MED9: variants seen among roughly 807,000 people sequenced by gnomAD.
MED9 encodes mediator of RNA polymerase II transcription subunit 9.
MED9 carries 8 observed loss-of-function variants against 13.2 expected under a neutral mutation model. The ratio of observed to expected loss-of-function variants is 0.61; its 90% CI spans 0.36 to 1.10. MED9 has a LOEUF of 1.10. Among genes scored for constraint, MED9 ranks in the 50% least tolerant of loss-of-function variants. MED9 has a pLI of 0.02. For missense variants in MED9, 180 were observed against 193.4 expected (o/e 0.93, Z 0.41); for synonymous variants, 87 against 82.8 (o/e 1.05, Z -0.28).
At chr17:17,489,815 C>T (rs1905199626) in intron 1 of MED9, among the ~76,000 whole-genome samples, 1 of 152,218 alleles carries the variant, frequency 6.6e-6, no homozygotes, top group South Asian at 2.1e-4. Flanking sequence ...TACCCTCCCT[C>T]TGAGTTTAGA....
At chr17:17,489,221 C>T (rs915426362) in intron 1 of MED9, among the ~76,000 whole-genome samples, 5 of 152,212 alleles carry the variant, frequency 3.3e-5, no homozygotes, top group African/African-American at 7.2e-5. Flanking sequence ...GCCCTCCAGG[C>T]GGCTTGTCTT....
intron 1 of MED9, 49 bp downstream of exon 1, chr17:17,477,314 T>C (rs1323540988): frequency 6.6e-7 from 1 of 1,508,744 alleles, no homozygotes; most frequent in Admixed American, 2.1e-5. Context: ...CAGCTTCTCC[T>C]CTCAGCCGTT....
chr17:17,477,140 T>C lies in MED9; in HGVS notation c.99T>C (p.Pro33=), dbSNP rs570173732. The part of the protein sequence containing the change: ...PLPDTKPLPP[P]QPPPVPAPQP... ...CTGACACCAAGCCGCTGCCGCCTCC[T>C]CAGCCGCCGCCGGTCCCTGCGCCTC... Residue 33 remains proline (P), a synonymous_variant, in exon 1 of 2, where the codon CCT becomes CCC. Coordinates refer to ENST00000268711, the MANE Select transcript of MED9 (RefSeq NM_018019.3). 15 of 1,608,226 alleles carry C rather than the reference T, an allele frequency of 9.3e-6. No homozygotes were observed. The highest frequency in any genetic ancestry group is 8.9e-5 in the East Asian group (4 of 44,804).
At chr17:17,489,159 G>A (rs1431073950) in intron 1 of MED9, among the ~76,000 whole-genome samples, 1 of 152,184 alleles carries the variant, frequency 6.6e-6, no homozygotes, top group Non-Finnish European at 1.5e-5. Flanking sequence ...TAGGGCAGTT[G>A]GGCTTGCAGA....
rs1016439140 is a variant in MED9 at position 17,491,881 on chromosome 17, C to G, written c.*386C>G. On this transcript the variant is annotated 3_prime_UTR_variant, in exon 2 of 2. Coordinates refer to ENST00000268711, the MANE Select transcript of MED9 (RefSeq NM_018019.3). ...GAAGGGAGGCGGCTCCTCTTTGCTTCCTTCCCTCTCTCTCCTCCCACCCCC... is the reference window on the plus strand; with the variant it reads ...GAAGGGAGGCGGCTCCTCTTTGCTTGCTTCCCTCTCTCTCCTCCCACCCCC... 1.7e-5 allele frequency: 5 copies of G among 291,280 alleles called. No individual in the cohort carries two copies. The highest frequency in any genetic ancestry group is 8.2e-5 in the East Asian group (1 of 12,146). 18.0% of individuals were successfully genotyped at this position (291,280 alleles called of 1,614,324 possible).
intron 1 of MED9, chr17:17,485,756 TG>T: frequency 5.9e-6 from 1 of 170,004 alleles, no homozygotes; most frequent in Non-Finnish European, 1.2e-5. Flanking sequence ...GTGGTCCCCG[TG>T]TCGAGGGTTC....
rs1567640634 is a variant in MED9 at position 17,491,269 on chromosome 17, T to G, written c.225-10T>G. The G allele has an allele frequency of 1.2e-6, 2 of 1,609,264 alleles. No homozygotes were observed. The highest frequency in any genetic ancestry group is 3.3e-5 in the Admixed American group (2 of 60,004). ...AGCTGTGAATGCTAACAGCTGTTCTTCCCCCACAGCATGGACAAGGACAGC... is the reference window on the plus strand; with the variant it reads ...AGCTGTGAATGCTAACAGCTGTTCTGCCCCCACAGCATGGACAAGGACAGC... On this transcript the variant is annotated splice_polypyrimidine_tract_variant and intron_variant, in intron 1 of 1. Transcript: ENST00000268711.
chr17:17,491,563 G>C lies in MED9; in HGVS notation c.*68G>C. 4.3e-6 allele frequency: 6 copies of C among 1,399,904 alleles called. No individual in the cohort carries two copies. In the South Asian group the frequency reaches 4.7e-5, roughly 11 times the overall value. The allele number at this position is 1,399,904 out of a possible 1,614,324, so 86.7% of individuals were successfully genotyped here. A position where few individuals can be genotyped will look rare whatever the true frequency, so the allele number is the denominator to read the frequency against. ...TGTCTCCCCACTACCATCCCCAAAC[G>C]CTCCTTGGGGCGTGGTTCCTGTGGA... is the stretch of plus-strand genomic sequence containing the variant. On this transcript the variant is annotated 3_prime_UTR_variant, in exon 2 of 2. Coordinates refer to ENST00000268711, the MANE Select transcript of MED9 (RefSeq NM_018019.3).
intron 1 of MED9, among the ~76,000 whole-genome samples, chr17:17,480,839 T>A (rs1482208498): frequency 6.6e-6 from 1 of 151,812 alleles, no homozygotes; most frequent in Non-Finnish European, 1.5e-5. Context: ...TGTCTTTGAG[T>A]TTATAGGCAA....
rs551678914 is a variant in MED9 at position 17,478,887 on chromosome 17, A to G, written c.224+1622A>G. ...AAAAAAAAAAAGTAATGCTTATAGG[A>G]TAAGGCAGCCTATTCAGTTTTCGTG... On this transcript the variant is annotated intron_variant, in intron 1 of 1. Transcript: ENST00000268711. Among the ~76,000 whole-genome samples, 19 of 152,120 alleles carry G rather than the reference A, an allele frequency of 1.2e-4. No individual in the cohort carries two copies. The East Asian group carries it at 2.9e-3, about 23-fold the overall frequency.
intron 1 of MED9, chr17:17,487,305 A>T (rs1251432202): frequency 6.6e-6 from 1 of 152,344 alleles, no homozygotes; most frequent in Admixed American, 6.5e-5. Context: ...AGCAGTGGCA[A>T]CCCGCTTGGG....
chr17:17,492,942 T>A lies in MED9; in HGVS notation c.*1447T>A, dbSNP rs1434944609. 1 of 152,262 alleles carries A rather than the reference T, an allele frequency of 6.6e-6. No homozygotes were observed. The highest frequency in any genetic ancestry group is 1.5e-5 in the Non-Finnish European group (1 of 68,062). The allele number at this position is 152,262 out of a possible 1,614,324, so 9.4% of individuals were successfully genotyped here. ...CTGGATTTAAGCGGGTGGTCACCTG[T>A]GAGACCAGGTCTACCTTGGGACTGT... On this transcript the variant is annotated 3_prime_UTR_variant, in exon 2 of 2. Transcript: ENST00000268711.
At position 17,491,734 on chromosome 17, in the gene MED9, C is replaced by T; in HGVS notation, c.*239C>T. 2.0e-6 allele frequency: 1 copy of T among 512,674 alleles called. No homozygotes were observed. The highest frequency in any genetic ancestry group is 3.5e-6 in the Non-Finnish European group (1 of 282,416). The allele number at this position is 512,674 out of a possible 1,614,324, so 31.8% of individuals were successfully genotyped here. On this transcript the variant is annotated 3_prime_UTR_variant, in exon 2 of 2. Transcript: ENST00000268711. Reference sequence around the variant, plus strand: ...TCTAGATGCATAATAACTGGAGTGCCTGCTGGTGGAAGTCAGAATGCTCCT... The same window carrying T: ...TCTAGATGCATAATAACTGGAGTGCTTGCTGGTGGAAGTCAGAATGCTCCT...
At chr17:17,484,075 A>G (rs566717228) in intron 1 of MED9, among the ~76,000 whole-genome samples, 1 of 152,290 alleles carries the variant, frequency 6.6e-6, no homozygotes, top group East Asian at 1.9e-4. Context: ...GGAGTAATGA[A>G]ATGGGGTCTG....
At chr17:17,485,379 G>A (rs71364026) in intron 1 of MED9, 5 of 398,262 alleles carry the variant, frequency 1.3e-5, no homozygotes, top group Admixed American at 8.8e-5. Context: ...GCCACCGGCC[G>A]CCATCTGGGA....
At chr17:17,485,299 G>A (rs906188112) in intron 1 of MED9, 1 of 398,306 alleles carries the variant, frequency 2.5e-6, no homozygotes, top group African/African-American at 2.1e-5. Context: ...TGTATTTTTA[G>A]TAGAGACGGG....
Position 17,491,900 on chromosome 17 carries a change from C to T in MED9, c.*405C>T. Reference sequence around the variant, plus strand: ...TTGCTTCCTTCCCTCTCTCTCCTCCCACCCCCATAGGATCAGTGTGTACCA... The same window carrying T: ...TTGCTTCCTTCCCTCTCTCTCCTCCTACCCCCATAGGATCAGTGTGTACCA... On this transcript the variant is annotated 3_prime_UTR_variant, in exon 2 of 2. Transcript: ENST00000268711. 7.0e-6 allele frequency: 2 copies of T among 286,898 alleles called. No individual in the cohort carries two copies. The highest frequency in any genetic ancestry group is 1.4e-5 in the Non-Finnish European group (2 of 146,832). 17.8% of individuals were successfully genotyped at this position (286,898 alleles called of 1,614,324 possible). A position where few individuals can be genotyped will look rare whatever the true frequency, so the allele number is the denominator to read the frequency against.
In MED9 at chr17:17,483,444, A is replaced by G. The variant is rs141009135; in HGVS notation, c.224+6179A>G. ...TGGCAGACCCTCCAGCCCCTCCACT[A>G]GAAGTGCCCACAGAAATGCTGCACA... On this transcript the variant is annotated intron_variant, in intron 1 of 1. Coordinates refer to ENST00000268711, the MANE Select transcript of MED9 (RefSeq NM_018019.3). This position sits in a 1 kb window ranked among gnomAD's most constrained non-coding sequence, Gnocchi z 4.2. Among the ~76,000 whole-genome samples the G allele has an allele frequency of 1.1e-4, 16 of 152,236 alleles. No homozygotes were observed. The highest frequency in any genetic ancestry group is 3.9e-4 in the African/African-American group (16 of 41,532).
At chr17:17,491,240 A>C (rs1905221073) in intron 1 of MED9, 39 bp from the exon 2 acceptor site, 1 of 1,569,504 alleles carries the variant, frequency 6.4e-7, no homozygotes, top group Non-Finnish European at 8.8e-7. Flanking sequence ...CAAGACGTGT[A>C]TCAAGCTGTG....
Sources: gnomAD v4.1 joint callset for allele counts (sites outside exome capture counted in the v4.1 genomes callset) on GRCh38, gnomAD v4.1.1 for gene constraint, Gnocchi (gnomAD v3.1) non-coding constraint, MANE v1.5 for transcripts, NCBI Gene and HGNC (gene_info 2026-07-23, HGNC 2026-07-21) for gene names.